Variants in FAM153A observed in about 807,000 individuals in gnomAD.
FAM153A encodes protein FAM153A.
FAM153A carries 12 observed loss-of-function variants against 48.1 expected under a neutral mutation model. That is an observed-to-expected ratio of 0.25 (90% confidence interval 0.16 to 0.40). FAM153A has a LOEUF of 0.40. FAM153A is among the 10% of genes least tolerant of loss of function. The probability of loss-of-function intolerance (pLI) is 1.00; values close to 1 mark genes in which losing one functional copy is unlikely to be tolerated. For missense variants in FAM153A, 111 were observed against 345.8 expected (o/e 0.32, Z 5.38); for synonymous variants, 36 against 118.2 (o/e 0.30, Z 4.51).
At chr5:177,769,888 G>C (rs1166120570) in intron 1 of FAM153A, among the ~76,000 whole-genome samples, 1 of 96,732 alleles carries the variant, frequency 1.0e-5, no homozygotes, top group African/African-American at 4.1e-5. Context: ...CTGCCAGGCA[G>C]TACTATATGA....
downstream of FAM153A, among the ~76,000 whole-genome samples, chr5:177,703,706 C>T (rs1335177069): frequency 2.0e-5 from 1 of 50,206 alleles, no homozygotes; most frequent in Admixed American, 1.7e-4. Flanking sequence ...TGTTTGAGGT[C>T]GGGCATGGTG....
At chr5:177,781,501 T>C (rs1329652911), upstream of FAM153A, 1 of 102,864 alleles carries the variant, frequency 9.7e-6, no homozygotes, top group African/African-American at 3.6e-5. Context: ...ATTTTTTCAT[T>C]CGGCTTATGT....
downstream of FAM153A, among the ~76,000 whole-genome samples, chr5:177,705,030 G>A (rs1440819807): frequency 6.7e-6 from 1 of 150,348 alleles, no homozygotes; most frequent in Non-Finnish European, 1.5e-5. Flanking sequence ...TAGACTGGGT[G>A]CGGTGGCTCA....
At chr5:177,761,254 C>T (rs1472710077) in intron 1 of FAM153A, among the ~76,000 whole-genome samples, 2 of 151,650 alleles carry the variant, frequency 1.3e-5, no homozygotes, top group African/African-American at 2.4e-5. Context: ...TCACCAGCCT[C>T]GCTAGCAGCG....
At chr5:177,730,517 G>A (rs1401977109) in intron 16 of FAM153A, among the ~76,000 whole-genome samples, 2 of 112,160 alleles carry the variant, frequency 1.8e-5, no homozygotes, top group South Asian at 3.4e-4. Flanking sequence ...GACATTAATG[G>A]TCACACTAAA....
intron 18 of FAM153A, among the ~76,000 whole-genome samples, chr5:177,728,475 C>T (rs1476512637): frequency 6.7e-6 from 1 of 148,790 alleles, no homozygotes; most frequent in Non-Finnish European, 1.5e-5. Flanking sequence ...TGATGTACTA[C>T]CCCACCTTAC....
chr5:177,719,084 A>T (rs922535790), downstream of FAM153A, among the ~76,000 whole-genome samples: 1 of 150,834 alleles, frequency 6.6e-6, no homozygotes, highest in Non-Finnish European at 1.5e-5. Flanking sequence ...GGGTTGTCCC[A>T]TGTTGTCCAG....
downstream of FAM153A, among the ~76,000 whole-genome samples, chr5:177,709,928 G>A (rs1180091924): frequency 1.5e-5 from 2 of 133,820 alleles, no homozygotes; most frequent in Non-Finnish European, 3.1e-5. Context: ...CTCCCAAAGT[G>A]CTGGAATTAC....
At chr5:177,753,271 A>C, upstream of FAM153A, 1 of 1,449,574 alleles carries the variant, frequency 6.9e-7, no homozygotes, top group South Asian at 1.2e-5. Context: ...AATGGCAGTT[A>C]AAATGAAAGG....
intron 10 of FAM153A, among the ~76,000 whole-genome samples, chr5:177,737,359 T>C (rs899817713): frequency 1.7e-4 from 25 of 151,356 alleles, no homozygotes; most frequent in African/African-American, 6.1e-4. Context: ...GTAACCCATC[T>C]CAAACAGGGC....
At position 177,769,463 on chromosome 5, in the gene FAM153A, T is replaced by G. The variant is rs1368183392; in HGVS notation, c.-57+10986A>C. 1.0e-4 allele frequency among the ~76,000 whole-genome samples: 10 copies of G among 96,254 alleles called. 3 individuals carry two copies. Among genetic ancestry groups the G allele is most frequent in the Admixed American group, 7.6e-4 (7 of 9,216 alleles). 63.1% of individuals were successfully genotyped at this position (96,254 alleles called of 152,430 possible). On this transcript the variant is annotated intron_variant, in intron 1 of 8. Transcript: ENST00000393518. ...GGGTGTCTTAGAACGTTATCTCCCA[T>G]AGTTAATGGGGAACTACTGCACTTA...
At chr5:177,697,420 C>T in the FAM153A span, among the ~76,000 whole-genome samples, 1 of 151,558 alleles carries the variant, frequency 6.6e-6, no homozygotes, top group Non-Finnish European at 1.5e-5. Flanking sequence ...CCGACAATTT[C>T]CAGTGCCATT....
At chr5:177,713,556 C>A (rs1433528725) in intron 26 of FAM153A, among the ~76,000 whole-genome samples, 2 of 151,736 alleles carry the variant, frequency 1.3e-5, no homozygotes, top group East Asian at 3.9e-4. Context: ...CGTGCTCGGT[C>A]ATCTTACATA....
chr5:177,778,308 G>A (rs1769397036), intron 1 of FAM153A, among the ~76,000 whole-genome samples: 2 of 55,248 alleles, frequency 3.6e-5, no homozygotes, highest in African/African-American at 1.6e-4. Flanking sequence ...GCAATTGTTA[G>A]AAAATAATGG....
downstream of FAM153A, among the ~76,000 whole-genome samples, chr5:177,709,538 T>G (rs1319566368): frequency 1.5e-3 from 227 of 149,996 alleles, no homozygotes; most frequent in Non-Finnish European, 2.2e-3. Flanking sequence ...ATTTTTTGTA[T>G]TTTTAGAAGA....
chr5:177,722,222 TGAGTTC>T (rs1334591470), downstream of FAM153A: 3 of 124,414 alleles, frequency 2.4e-5, no homozygotes, highest in Admixed American at 2.5e-4. Flanking sequence ...CTCCGCCTCC[TGAGTTC>T]AAGTGATTCT....
At chr5:177,708,366 G>C (rs1758042008), downstream of FAM153A, among the ~76,000 whole-genome samples, 1 of 151,136 alleles carries the variant, frequency 6.6e-6, no homozygotes, top group Admixed American at 6.6e-5. Flanking sequence ...ACCGGAGGTT[G>C]TGAGTTTGAG....
intron 1 of FAM153A, among the ~76,000 whole-genome samples, chr5:177,779,075 G>A (rs1331346479): frequency 2.0e-5 from 3 of 151,306 alleles, no homozygotes; most frequent in Non-Finnish European, 2.9e-5. Flanking sequence ...TAGTATAATA[G>A]TATAACTACT....
At position 177,729,393 on chromosome 5, in the gene FAM153A, T is replaced by C. The variant is rs939580845; in HGVS notation, c.933+92A>G. The C allele has an allele frequency of 1.0e-4, 137 of 1,318,996 alleles. 37 individuals are homozygous for C. The highest frequency in any genetic ancestry group is 1.4e-4 in the Non-Finnish European group (132 of 964,880). 81.7% of individuals were successfully genotyped at this position (1,318,996 alleles called of 1,614,324 possible). ...GAAATTCTGTCAGTCACCTATAGTG[T>C]GTATGGTGAGGTGTATACATCTTAA... On this transcript the variant is annotated intron_variant, in intron 17 of 20. Transcript: ENST00000614127.
Sources: allele counts gnomAD v4.1 joint callset (sites outside exome capture counted in the v4.1 genomes callset), GRCh38; gene constraint gnomAD v4.1.1; transcripts MANE v1.5; gene names NCBI Gene and HGNC (gene_info 2026-07-23, HGNC 2026-07-21).